Variants in ACSM5 observed in about 807,000 individuals in gnomAD.
ACSM5 encodes acyl-CoA synthetase medium chain family member 5.
A neutral mutation model predicts 71.6 loss-of-function variants in ACSM5; 56 were observed. The ratio of observed to expected loss-of-function variants is 0.78; its 90% CI spans 0.63 to 0.98. ACSM5 has a LOEUF of 0.98. Among genes scored for constraint, ACSM5 ranks in the 50% least tolerant of loss-of-function variants. The probability of loss-of-function intolerance (pLI) is 0.00; values close to 1 mark genes in which losing one functional copy is unlikely to be tolerated. For synonymous variants in ACSM5, 285 were observed against 281.5 expected (o/e 1.01, Z -0.12); for missense variants, 723 against 726.0 (o/e 1.00, Z 0.05).
chr16:20,409,908 G>A (rs1387869921), intron 1 of ACSM5, among the ~76,000 whole-genome samples: 4 of 112,276 alleles, frequency 3.6e-5, no homozygotes, highest in African/African-American at 1.9e-4. Context: ...AGAGGTGAGG[G>A]GCGGGAGAGG....
intron 7 of ACSM5, among the ~76,000 whole-genome samples, chr16:20,429,078 T>G (rs917682602): frequency 1.6e-4 from 25 of 152,200 alleles, no homozygotes; most frequent in Admixed American, 1.5e-3. Flanking sequence ...TGGCATGATC[T>G]CAGCTCACTG....
intron 6 of ACSM5, among the ~76,000 whole-genome samples, chr16:20,427,263 G>A (rs1196843800): frequency 1.3e-5 from 2 of 152,092 alleles, no homozygotes. Flanking sequence ...TCTTGCCACT[G>A]CACTCCAGCC....
Position 20,439,853 on chromosome 16 carries a change from G to A in ACSM5, c.1590G>A (p.Glu530=). ...LTPAYSSHDP[E]ALTRELQEHV... is the part of the protein sequence containing the mutation. ...CAGCCTACTCCTCTCATGACCCAGA[G>A]GCACTAACGCGGGAACTCCAGGAGC... Residue 530 remains glutamate, a synonymous_variant, in exon 13 of 14, where the codon GAG becomes GAA. Transcript: ENST00000331849. The A allele has an allele frequency of 6.2e-7, 1 of 1,612,184 alleles. No homozygotes were observed. Among genetic ancestry groups the A allele is most frequent in the African/African-American group, 1.3e-5 (1 of 74,978 alleles).
rs2098340492 is a variant in ACSM5 at position 20,427,788 on chromosome 16, ACT to A, written c.928_929del (p.Ser310GlnfsTer43). On this transcript the variant is annotated frameshift_variant and splice_region_variant, in exon 7 of 14. Coordinates refer to ENST00000331849, the MANE Select transcript of ACSM5 (RefSeq NM_017888.3). LOFTEE classifies it high-confidence loss of function. Reference protein sequence around the residue: ...PRVDAKVILNTLSKFPITTLC... With the variant: ...PRVDAKVILNXLSKFPITTLC... The stretch of plus-strand genomic sequence containing the variant: ...TCTTTCACCCTTTGTTTTTGTTTAG[ACT>A]CTCTCCAAATTCCCGATAACCACCC... 1.9e-6 allele frequency: 3 copies of A among 1,610,540 alleles called. No individual in the cohort carries two copies. Among genetic ancestry groups the A allele is most frequent in the South Asian group, 1.1e-5 (1 of 90,970 alleles).
Position 20,431,292 on chromosome 16 carries a change from C to T in ACSM5, c.1279C>T (p.Arg427Trp), listed in dbSNP as rs762235941. 6 of 1,614,042 alleles carry T rather than the reference C, an allele frequency of 3.7e-6. No individual in the cohort carries two copies. Among genetic ancestry groups the T allele is most frequent in the Admixed American group, 1.7e-5 (1 of 60,002 alleles). ...GNVAVRIRPT[R>W]PFCFFNCYLD... is the part of the protein sequence containing the mutation. ...TGTTGCCGTCCGTATCAGACCCACT[C>T]GGCCCTTCTGTTTCTTCAATTGCTA... The change falls in exon 10 of 14, where the codon CGG (arginine) becomes TGG (tryptophan). Residue 427 changes from arginine to tryptophan, a missense_variant. Physicochemically the swap from Arg to Trp is moderately radical, Grantham distance 101. Transcript: ENST00000331849.
intron 10 of ACSM5, among the ~76,000 whole-genome samples, chr16:20,434,218 A>G (rs1226110922): frequency 6.6e-6 from 1 of 152,132 alleles, no homozygotes; most frequent in Non-Finnish European, 1.5e-5. Context: ...CACATATTCA[A>G]TAGTTTCTTC....
chr16:20,431,951 A>ACAATAATAATAATAAT (rs1212880644), intron 10 of ACSM5, among the ~76,000 whole-genome samples: 1 of 141,508 alleles, frequency 7.1e-6, no homozygotes, highest in Admixed American at 7.2e-5. Context: ...TATCAAAAAA[A>ACAATAATAATAATAAT]AAAAATAATA....
chr16:20,427,866 A>G lies in ACSM5; in HGVS notation c.1000A>G (p.Arg334Gly), dbSNP rs1412377862. The G allele has an allele frequency of 1.2e-6, 2 of 1,612,342 alleles. No homozygotes were observed. Among genetic ancestry groups the G allele is most frequent in the South Asian group, 2.2e-5 (2 of 91,004 alleles). Reference sequence around the variant, plus strand: ...GCTGCTTGTGCAGGAGGATCTGACCAGGTACAGCCCGTCTATTTCGTGCTT... The same window carrying G: ...GCTGCTTGTGCAGGAGGATCTGACCGGGTACAGCCCGTCTATTTCGTGCTT... ...FRLLVQEDLT[R>G]YQFQSLRHCL... is the part of the protein sequence containing the mutation. Residue 334 changes from arginine to glycine, a missense_variant and splice_region_variant, in exon 7 of 14, where the codon AGG becomes GGG. By Grantham distance (125) the Arg-to-Gly change is moderately radical. Coordinates refer to ENST00000331849, the MANE Select transcript of ACSM5 (RefSeq NM_017888.3).
At chr16:20,437,207 C>T (rs1196617867) in intron 11 of ACSM5, 28 bp downstream of exon 11, 3 of 1,614,112 alleles carry the variant, frequency 1.9e-6, no homozygotes, top group African/African-American at 1.3e-5. Flanking sequence ...TTCCTCCTTC[C>T]TTTGAAATTT....
At position 20,437,260 on chromosome 16, in the gene ACSM5, C is replaced by T. The variant is rs374031939; in HGVS notation, c.1437-8C>T. The T allele has an allele frequency of 1.1e-5, 17 of 1,614,022 alleles. No individual in the cohort carries two copies. In the African/African-American group the frequency reaches 1.9e-4, roughly 18 times the overall value. On this transcript the variant is annotated splice_region_variant and splice_polypyrimidine_tract_variant and intron_variant, in intron 11 of 13. Coordinates refer to ENST00000331849, the MANE Select transcript of ACSM5 (RefSeq NM_017888.3). ...GCCCACTTGGAAGAGTTTGTTTTTCCCTTCCAGCTACCGGATCGGGCCTGT... is the reference window on the plus strand; with the variant it reads ...GCCCACTTGGAAGAGTTTGTTTTTCTCTTCCAGCTACCGGATCGGGCCTGT...
intron 10 of ACSM5, among the ~76,000 whole-genome samples, chr16:20,433,370 T>C (rs1206542683): frequency 6.6e-6 from 1 of 152,226 alleles, no homozygotes; most frequent in Admixed American, 6.5e-5. Context: ...TAAATGAATA[T>C]GCCCGTGTCA....
rs758072681 is a variant in ACSM5, at chr16:20,439,792, T to C, written c.1537-8T>C. The C allele has an allele frequency of 3.1e-6, 5 of 1,609,932 alleles. No homozygotes were observed. Among genetic ancestry groups the C allele is most frequent in the Non-Finnish European group, 4.2e-6 (5 of 1,177,366 alleles). ...CTGATCTTTTCTGGGTATTTTGTTT[T>C]CCTGCAGGTGGTAAAGGCATTTATA... On this transcript the variant is annotated splice_polypyrimidine_tract_variant and splice_region_variant and intron_variant, in intron 12 of 13. Coordinates refer to ENST00000331849, the MANE Select transcript of ACSM5 (RefSeq NM_017888.3).
intron 2 of ACSM5, chr16:20,412,149 C>T (rs1175567945): frequency 6.2e-6 from 1 of 161,204 alleles, no homozygotes; most frequent in Admixed American, 5.9e-5. Context: ...AGTTCGAGAC[C>T]ACCCTCACCA....
chr16:20,433,840 ATTTT>A (rs61417020), intron 10 of ACSM5, among the ~76,000 whole-genome samples: 1 of 137,202 alleles, frequency 7.3e-6, no homozygotes, highest in Non-Finnish European at 1.6e-5. Flanking sequence ...CACCTGGCTA[ATTTT>A]TTTTTTTTTT....
At chr16:20,416,766 C>T (rs982152590) in intron 2 of ACSM5, among the ~76,000 whole-genome samples, 1 of 151,992 alleles carries the variant, frequency 6.6e-6, no homozygotes, top group Non-Finnish European at 1.5e-5. Context: ...AAAAAGCTCA[C>T]AGAATAGGAG....
intron 6 of ACSM5, among the ~76,000 whole-genome samples, chr16:20,425,855 C>A (rs1307847845): frequency 2.6e-5 from 4 of 151,896 alleles, no homozygotes; most frequent in Non-Finnish European, 5.9e-5. Flanking sequence ...TGGGTTTGTT[C>A]CACATTTTTG....
intron 7 of ACSM5, among the ~76,000 whole-genome samples, chr16:20,428,646 C>T (rs1404515967): frequency 2.6e-5 from 4 of 152,156 alleles, no homozygotes; most frequent in South Asian, 2.1e-4. Context: ...TTCTTACATG[C>T]TTCTAAAAGT....
chr16:20,415,893 A>G (rs1567339923), intron 2 of ACSM5, among the ~76,000 whole-genome samples: 1 of 152,168 alleles, frequency 6.6e-6, no homozygotes, highest in Non-Finnish European at 1.5e-5. Flanking sequence ...TCCCTACTTC[A>G]TCATTGTATT....
intron 10 of ACSM5, among the ~76,000 whole-genome samples, chr16:20,434,364 C>G (rs1235554274): frequency 6.6e-6 from 1 of 152,030 alleles, no homozygotes; most frequent in Non-Finnish European, 1.5e-5. Flanking sequence ...TCCTCCTTTT[C>G]CCAGTTATCT....
Sources: gnomAD v4.1 joint callset for allele counts (sites outside exome capture counted in the v4.1 genomes callset) on GRCh38, gnomAD v4.1.1 for gene constraint, MANE v1.5 for transcripts, NCBI Gene and HGNC (gene_info 2026-07-23, HGNC 2026-07-21) for gene names.